Variants in TLK2 observed in about 807,000 individuals in gnomAD.
TLK2 encodes tousled like kinase 2.
A neutral mutation model predicts 117.3 loss-of-function variants in TLK2; 6 were observed. That is an observed-to-expected ratio of 0.05 (90% CI 0.03 to 0.10). TLK2 has a LOEUF of 0.10. TLK2 is among the 10% of genes least tolerant of loss of function. The probability of loss-of-function intolerance (pLI) is 1.00; values close to 1 mark genes in which losing one functional copy is unlikely to be tolerated. For missense variants in TLK2, 299 were observed against 901.2 expected, an observed-to-expected ratio of 0.33 and a Z score of 8.56; for synonymous variants, 257 against 316.7, an observed-to-expected ratio of 0.81 and a Z score of 2.00.
intron 10 of TLK2, among the ~76,000 whole-genome samples, chr17:62,562,028 A>G (rs986347726): frequency 2.2e-4 from 34 of 152,324 alleles, no homozygotes; most frequent in South Asian, 1.0e-3. Flanking sequence ...AATAGGGAGT[A>G]TTTATTGAGT....
At chr17:62,596,793 G>A in intron 17 of TLK2, 119 bp downstream of exon 17, 1 of 770,374 alleles carries the variant, frequency 1.3e-6, no homozygotes, top group East Asian at 2.7e-5. Flanking sequence ...CAAGTAATTT[G>A]TGACAAATGA....
At chr17:62,475,870 A>C (rs1015679957), upstream of TLK2, among the ~76,000 whole-genome samples, 3 of 149,304 alleles carry the variant, frequency 2.0e-5, no homozygotes, top group African/African-American at 7.4e-5. Context: ...CCGTGTTAAG[A>C]CAGGATGGTC....
intron 9 of TLK2, among the ~76,000 whole-genome samples, chr17:62,556,882 A>G (rs183193032): frequency 6.6e-5 from 10 of 152,322 alleles, no homozygotes; most frequent in African/African-American, 2.4e-4. Flanking sequence ...TGTCTTCCAT[A>G]TATTTCTGGC....
intron 1 of TLK2, 141 bp from the exon 2 acceptor site, chr17:62,480,980 A>G (rs1431935974): frequency 6.6e-6 from 5 of 759,470 alleles, no homozygotes; most frequent in African/African-American, 1.7e-5. Flanking sequence ...ATAGTAGTCT[A>G]CCACTTGTAT....
At chr17:62,554,892 T>G (rs1598553518) in intron 9 of TLK2, among the ~76,000 whole-genome samples, 1 of 150,982 alleles carries the variant, frequency 6.6e-6, no homozygotes, top group Non-Finnish European at 1.5e-5. Flanking sequence ...AAAAAAAAAA[T>G]TATACATGCT....
intron 2 of TLK2, among the ~76,000 whole-genome samples, chr17:62,510,118 C>A (rs1387548932): frequency 6.6e-6 from 1 of 152,140 alleles, no homozygotes; most frequent in Non-Finnish European, 1.5e-5. Context: ...TACATAAACA[C>A]AAAAATTAGC....
chr17:62,610,439 A>G (rs183229460), intron 21 of TLK2, among the ~76,000 whole-genome samples: 1 of 152,378 alleles, frequency 6.6e-6, no homozygotes, highest in Admixed American at 6.5e-5. Flanking sequence ...CACTTATGAG[A>G]AAAACAATAA....
In TLK2 at chr17:62,576,794, T is replaced by C. The variant is rs770202235; in HGVS notation, c.1188+19T>C. The C allele has an allele frequency of 1.3e-6, 2 of 1,589,168 alleles. No individual in the cohort carries two copies. Among genetic ancestry groups the C allele is most frequent in the Non-Finnish European group, 1.7e-6 (2 of 1,159,228 alleles). ...TAAAAAGGTAAGTATAATGAGAAAA[T>C]CTCCCTGGAGAAATGTGATACCTAG... On this transcript the variant is annotated intron_variant, in intron 13 of 21. Coordinates refer to ENST00000346027, the MANE Select transcript of TLK2 (RefSeq NM_006852.6).
upstream of TLK2, among the ~76,000 whole-genome samples, chr17:62,474,105 G>C (rs1296799796): frequency 6.6e-6 from 1 of 152,016 alleles, no homozygotes; most frequent in African/African-American, 2.4e-5. Context: ...TTGAGACCGA[G>C]TCTCGCTCTG....
At chr17:62,553,047 A>G (rs2146216210) in intron 8 of TLK2, among the ~76,000 whole-genome samples, 2 of 152,298 alleles carry the variant, frequency 1.3e-5, no homozygotes, top group South Asian at 4.1e-4. Flanking sequence ...GATGGTGGCT[A>G]TAGCTTCCAT....
chr17:62,586,378 A>G (rs753213345), intron 16 of TLK2, 152 bp downstream of exon 16: 3 of 615,602 alleles, frequency 4.9e-6, no homozygotes, highest in South Asian at 4.4e-5. Flanking sequence ...CAGTGTTACG[A>G]CGAGGAAACT....
chr17:62,612,143 C>G (rs544534651), intron 21 of TLK2: 15 of 354,552 alleles, frequency 4.2e-5, no homozygotes, highest in Non-Finnish European at 6.1e-5. Context: ...TTCCTTTTTC[C>G]TCCCTTCAGT....
chr17:62,527,810 T>G (rs2076475019), intron 6 of TLK2, among the ~76,000 whole-genome samples: 1 of 152,056 alleles, frequency 6.6e-6, no homozygotes, highest in Admixed American at 6.5e-5. Flanking sequence ...TGGTGCGATC[T>G]TGGTTCACCG....
intron 2 of TLK2, among the ~76,000 whole-genome samples, chr17:62,491,826 C>T (rs2144707586): frequency 6.6e-6 from 1 of 152,270 alleles, no homozygotes; most frequent in South Asian, 2.1e-4. Context: ...CCTCATGATC[C>T]ACCCGTCTTG....
At chr17:62,572,449 T>C (rs988164515) in intron 11 of TLK2, among the ~76,000 whole-genome samples, 2 of 152,050 alleles carry the variant, frequency 1.3e-5, no homozygotes, top group Non-Finnish European at 2.9e-5. Context: ...TTTTTATTGG[T>C]CCCTAATTTG....
chr17:62,524,294 G>C lies in TLK2; in HGVS notation c.326G>C (p.Arg109Pro). Reference protein sequence around the residue: ...SPGRSVPPVARSSPQHSLSNP... With the variant: ...SPGRSVPPVAPSSPQHSLSNP... Reference sequence around the variant, plus strand: ...GGCAGAAGTGTTCCACCAGTTGCACGATCCTCACCGCAACATTCCTTATCC... The same window carrying C: ...GGCAGAAGTGTTCCACCAGTTGCACCATCCTCACCGCAACATTCCTTATCC... The change falls in exon 6 of 22, where the codon CGA becomes CCA. Residue 109 changes from arginine (R) to proline (P), a missense_variant. Arg to Pro is a moderately radical substitution (Grantham distance 103, BLOSUM62 -2). This residue lies in a region of TLK2 where 105 missense variants were observed against 218.4 expected (regional missense o/e 0.48). Coordinates refer to ENST00000346027, the MANE Select transcript of TLK2 (RefSeq NM_006852.6). 6.2e-7 allele frequency: 1 copy of C among 1,613,706 alleles called. No homozygotes were observed. Among genetic ancestry groups the C allele is most frequent in the Non-Finnish European group, 8.5e-7 (1 of 1,179,806 alleles).
At chr17:62,556,656 A>G (rs1271307870) in intron 9 of TLK2, among the ~76,000 whole-genome samples, 1 of 152,234 alleles carries the variant, frequency 6.6e-6, no homozygotes. Context: ...AGCAAACACC[A>G]TAATTTGTTA....
At chr17:62,482,006 C>T (rs1003017283) in intron 2 of TLK2, among the ~76,000 whole-genome samples, 4 of 152,002 alleles carry the variant, frequency 2.6e-5, no homozygotes, top group Non-Finnish European at 4.4e-5. Flanking sequence ...AGTGCAATGG[C>T]GTGATCTCGG....
At chr17:62,492,703 C>T (rs1012312127) in intron 2 of TLK2, among the ~76,000 whole-genome samples, 1 of 152,020 alleles carries the variant, frequency 6.6e-6, no homozygotes, top group African/African-American at 2.4e-5. Context: ...AGGTGATCCA[C>T]CCACCTTGGC....
Sources: gnomAD v4.1 joint callset for allele counts (sites outside exome capture counted in the v4.1 genomes callset) on GRCh38, gnomAD v4.1.1 for gene constraint, gnomAD v4.1.1 regional missense constraint, MANE v1.5 for transcripts, NCBI Gene and HGNC (gene_info 2026-07-23, HGNC 2026-07-21) for gene names.